RIC1: variants seen among roughly 807,000 people sequenced by gnomAD.
RIC1 encodes guanine nucleotide exchange factor subunit RIC1.
In RIC1, 88 loss-of-function variants were observed where a neutral mutation model predicts 169.0. That is an observed-to-expected ratio of 0.52 (90% CI 0.44 to 0.62). The LOEUF is 0.62. Ranked by LOEUF, RIC1 falls within the 20% of genes least tolerant of loss-of-function variation. The pLI is 0.00. For synonymous variants in RIC1, 790 were observed against 601.5 expected (o/e 1.31, Z -4.59); for missense variants, 1,877 against 1,725.5 (o/e 1.09, Z -1.56).
intron 16 of RIC1, 127 bp downstream of exon 16, chr9:5,756,499 AAAGC>A (rs1448825706): frequency 1.6e-5 from 9 of 570,070 alleles, no homozygotes; most frequent in Non-Finnish European, 2.5e-5. Flanking sequence ...AGAGGTAAAA[AAAGC>A]AAGGAGTTTT....
chr9:5,700,773 G>C (rs978864999), intron 3 of RIC1, among the ~76,000 whole-genome samples: 19 of 152,126 alleles, frequency 1.2e-4, no homozygotes, highest in South Asian at 8.3e-4. Context: ...CGTTGGAACA[G>C]ATCACTTAAA....
At chr9:5,707,780 T>C (rs1822683288) in intron 3 of RIC1, among the ~76,000 whole-genome samples, 1 of 152,144 alleles carries the variant, frequency 6.6e-6, no homozygotes, top group Admixed American at 6.5e-5. Context: ...AGTAATTTTC[T>C]TGTAGACAGC....
intron 2 of RIC1, among the ~76,000 whole-genome samples, chr9:5,683,769 C>T (rs904283743): frequency 2.0e-5 from 3 of 152,200 alleles, no homozygotes; most frequent in African/African-American, 7.2e-5. Flanking sequence ...GAAGGCGGGC[C>T]TCCTTGAGCT....
rs1265288038 is a variant in RIC1 at position 5,720,747 on chromosome 9, A to G, written c.717A>G (p.Ala239=). The G allele has an allele frequency of 1.9e-6, 3 of 1,603,996 alleles. No individual in the cohort carries two copies. Among genetic ancestry groups the G allele is most frequent in the Non-Finnish European group, 2.6e-6 (3 of 1,176,302 alleles). The change falls in exon 6 of 26, where the codon GCA becomes GCG. Residue 239 remains alanine (A), a synonymous_variant. Coordinates refer to ENST00000414202, the MANE Select transcript of RIC1 (RefSeq NM_020829.4). ...FITPVSSRFT[A]EQLHGVWPQD... is the part of the protein sequence containing the mutation. ...CACCAGTGTCAAGTAGATTTACTGC[A>G]GAGGTATGACTTATTTACTTTGAAG...
chr9:5,714,068 A>G, intron 4 of RIC1, 65 bp downstream of exon 4: 2 of 993,040 alleles, frequency 2.0e-6, no homozygotes, highest in Admixed American at 2.0e-5. Context: ...CGTAAATCCC[A>G]TGACCAACAG....
intron 2 of RIC1, among the ~76,000 whole-genome samples, chr9:5,673,974 C>T (rs1453861021): frequency 6.6e-6 from 1 of 152,038 alleles, no homozygotes; most frequent in South Asian, 2.1e-4. Flanking sequence ...TTTTAGATAA[C>T]CCTCTACTTA....
intron 3 of RIC1, among the ~76,000 whole-genome samples, chr9:5,698,917 G>T (rs147620784): frequency 2.0e-5 from 3 of 152,290 alleles, no homozygotes; most frequent in Admixed American, 2.0e-4. Flanking sequence ...GAGTGAACTA[G>T]AATTTGAAGA....
chr9:5,664,301 T>A (rs1819627687), intron 2 of RIC1, among the ~76,000 whole-genome samples: 1 of 151,912 alleles, frequency 6.6e-6, no homozygotes, highest in Non-Finnish European at 1.5e-5. Context: ...TAGTCCCAGC[T>A]ACTCAGGAGG....
intron 2 of RIC1, among the ~76,000 whole-genome samples, chr9:5,659,046 C>T (rs1431836094): frequency 6.6e-6 from 1 of 151,920 alleles, no homozygotes; most frequent in Non-Finnish European, 1.5e-5. Flanking sequence ...CCCCAATTTA[C>T]CAAAAAGGTT....
intron 6 of RIC1, among the ~76,000 whole-genome samples, chr9:5,721,278 T>G (rs1823571267): frequency 6.6e-6 from 1 of 152,198 alleles, no homozygotes; most frequent in Non-Finnish European, 1.5e-5. Context: ...GCTCCTTAGT[T>G]TAGCTAAAAG....
chr9:5,690,051 C>T lies in RIC1; in HGVS notation c.332+13C>T, dbSNP rs773272678. The T allele has an allele frequency of 2.0e-5, 31 of 1,542,604 alleles. No homozygotes were observed. Among genetic ancestry groups the T allele is most frequent in the Non-Finnish European group, 2.6e-5 (29 of 1,133,902 alleles). On this transcript the variant is annotated intron_variant, in intron 3 of 25. Transcript: ENST00000414202. ...CAGTGTATCCCAAGTAAGTTTGTTGCCTTTCATTCTTTTAATATGTGATTT... is the reference window on the plus strand; with the variant it reads ...CAGTGTATCCCAAGTAAGTTTGTTGTCTTTCATTCTTTTAATATGTGATTT...
At chr9:5,673,455 GTACA>G (rs1563887090) in intron 2 of RIC1, among the ~76,000 whole-genome samples, 1 of 149,354 alleles carries the variant, frequency 6.7e-6, no homozygotes, top group Non-Finnish European at 1.5e-5. Flanking sequence ...TAAAATGAAT[GTACA>G]TACATACACT....
intron 24 of RIC1, 31 bp from the exon 25 acceptor site, chr9:5,772,861 C>A (rs763608574): frequency 1.9e-6 from 3 of 1,594,496 alleles, no homozygotes; most frequent in Non-Finnish European, 2.6e-6. Context: ...TCTTTCTTAG[C>A]ATAAATCATT....
chr9:5,642,875 A>G (rs1390448140), intron 1 of RIC1, among the ~76,000 whole-genome samples: 2 of 152,212 alleles, frequency 1.3e-5, no homozygotes, highest in Non-Finnish European at 2.9e-5. Flanking sequence ...GCCTGTTCTC[A>G]TACTACCTAT....
At chr9:5,740,064 G>C (rs1174777277) in intron 8 of RIC1, among the ~76,000 whole-genome samples, 1 of 152,180 alleles carries the variant, frequency 6.6e-6, no homozygotes, top group Non-Finnish European at 1.5e-5. Context: ...CTGGGAGATG[G>C]AATCCCTGAG....
intron 1 of RIC1, among the ~76,000 whole-genome samples, chr9:5,632,046 A>G (rs1319622141): frequency 6.6e-6 from 1 of 152,216 alleles, no homozygotes; most frequent in Admixed American, 6.5e-5. Context: ...GTTTTATAAT[A>G]ATATGTGAAG....
At chr9:5,637,472 A>G (rs1363833480) in intron 1 of RIC1, among the ~76,000 whole-genome samples, 3 of 152,172 alleles carry the variant, frequency 2.0e-5, no homozygotes, top group East Asian at 3.8e-4. Context: ...AACAATCCAT[A>G]TGTACTCATA....
chr9:5,751,819 T>G (rs979877657), intron 12 of RIC1, among the ~76,000 whole-genome samples: 1 of 152,226 alleles, frequency 6.6e-6, no homozygotes, highest in African/African-American at 2.4e-5. Context: ...ATACAGATGT[T>G]TAGAGCATAT....
chr9:5,738,056 C>T (rs10975268), intron 7 of RIC1, among the ~76,000 whole-genome samples: 30,372 of 151,854 alleles, frequency 0.2, 3,765 homozygotes, highest in East Asian at 0.41. Context: ...TAACTGTATT[C>T]GCTATCCATG....
Sources: gnomAD v4.1 joint callset for allele counts (sites outside exome capture counted in the v4.1 genomes callset) on GRCh38, gnomAD v4.1.1 for gene constraint, MANE v1.5 for transcripts, NCBI Gene and HGNC (gene_info 2026-07-23, HGNC 2026-07-21) for gene names.